Variants in GATAD1 observed in about 807,000 individuals in gnomAD.
GATAD1 encodes GATA zinc finger domain containing 1.
Under a neutral mutation model 26.5 loss-of-function variants are expected in GATAD1, and 12 were observed. The ratio of observed to expected loss-of-function variants is 0.45; its 90% CI spans 0.29 to 0.73. The LOEUF is 0.73. Ranked by LOEUF, GATAD1 falls within the 30% of genes least tolerant of loss-of-function variation. The pLI is 0.10. For synonymous variants in GATAD1, 129 were observed against 133.1 expected (o/e 0.97, Z 0.21); for missense variants, 266 against 342.1 (o/e 0.78, Z 1.75).
chr7:92,450,612 C>A, intron 2 of GATAD1, 89 bp from the exon 3 acceptor site: 1 of 770,942 alleles, frequency 1.3e-6, no homozygotes, highest in South Asian at 1.6e-5. Context: ...TTTAGTACTT[C>A]TCAAATTGCA....
rs1789803324 is a variant in GATAD1 at position 92,458,881 on chromosome 7, C to T, written c.*2319C>T. 1 of 152,152 alleles carries T rather than the reference C, an allele frequency of 6.6e-6. No homozygotes were observed. Among genetic ancestry groups the T allele is most frequent in the African/African-American group, 2.4e-5 (1 of 41,442 alleles). 9.4% of individuals were successfully genotyped at this position (152,152 alleles called of 1,614,324 possible). A position where few individuals can be genotyped will look rare whatever the true frequency, so the allele number is the denominator to read the frequency against. On this transcript the variant is annotated 3_prime_UTR_variant, in exon 5 of 5. Coordinates refer to ENST00000287957, the MANE Select transcript of GATAD1 (RefSeq NM_021167.5). ...TTTCATTTAAACAATTTAAATGGGG[C>T]TCTTTAACCAAAAATGGTATTTAAA...
At chr7:92,494,511 A>G in the GATAD1 span, 1 of 1,613,864 alleles carries the variant, frequency 6.2e-7, no homozygotes, top group Non-Finnish European at 8.5e-7. Flanking sequence ...ACTCCATCCA[A>G]CTGAGTCAGC....
At chr7:92,475,966 A>C in the GATAD1 span, among the ~76,000 whole-genome samples, 1 of 152,200 alleles carries the variant, frequency 6.6e-6, no homozygotes, top group Non-Finnish European at 1.5e-5. Flanking sequence ...ACCAGTTATT[A>C]GGCAATTTTT....
chr7:92,489,867 C>G, the GATAD1 span: 44 of 1,613,926 alleles, frequency 2.7e-5, no homozygotes, highest in Middle Eastern at 9.9e-4. Flanking sequence ...GAACTCCAGG[C>G]AAATCCTGAG....
At position 92,448,814 on chromosome 7, in the gene GATAD1, G is replaced by C. The variant is rs752121278; in HGVS notation, c.312G>C (p.Pro104=). The C allele has an allele frequency of 6.2e-7, 1 of 1,610,034 alleles. No individual in the cohort carries two copies. The highest frequency in any genetic ancestry group is 1.1e-5 in the South Asian group (1 of 90,998). The part of the protein sequence containing the change: ...RLRNTKYKSA[P]AAEKKVSTKG... ...GAAACACTAAATACAAATCTGCTCC[G>C]GCTGCTGAAAAGAAAGTCTCCACCA... is the stretch of plus-strand genomic sequence containing the variant. Residue 104 remains proline (P), a synonymous_variant, in exon 2 of 5, where the codon CCG becomes CCC. Coordinates refer to ENST00000287957, the MANE Select transcript of GATAD1 (RefSeq NM_021167.5).
Position 92,458,134 on chromosome 7 carries a change from CAAAAAAG to C in GATAD1, c.*1579_*1585del, listed in dbSNP as rs941817042. The C allele has an allele frequency of 6.6e-6, 1 of 150,832 alleles. No homozygotes were observed. The highest frequency in any genetic ancestry group is 2.4e-5 in the African/African-American group (1 of 40,908). The allele number at this position is 150,832 out of a possible 1,614,324, so 9.3% of individuals were successfully genotyped here. ...CCTGGGTGATAGAGCAAGACTGTCT[CAAAAAAG>C]AAAAAAAAGAAAAAATTTTAATTTA... is the stretch of plus-strand genomic sequence containing the variant. On this transcript the variant is annotated 3_prime_UTR_variant, in exon 5 of 5. Coordinates refer to ENST00000287957, the MANE Select transcript of GATAD1 (RefSeq NM_021167.5).
At chr7:92,486,095 G>A in the GATAD1 span, among the ~76,000 whole-genome samples, 112 of 152,300 alleles carry the variant, frequency 7.4e-4, 2 homozygotes, top group African/African-American at 2.6e-3. Flanking sequence ...GCAGGGATGT[G>A]GCCTCCACAA....
chr7:92,469,435 T>C, the GATAD1 span: 2 of 771,342 alleles, frequency 2.6e-6, no homozygotes, highest in Non-Finnish European at 4.8e-6. Flanking sequence ...GGGTACTCTT[T>C]TGTTGCGGGG....
chr7:92,463,007 G>A (rs1037679159), downstream of GATAD1: 3 of 152,240 alleles, frequency 2.0e-5, no homozygotes, highest in African/African-American at 4.8e-5. Context: ...ATCAGCAGAC[G>A]AATGGATGAT....
chr7:92,449,558 C>G (rs549214101), intron 2 of GATAD1: 25 of 974,434 alleles, frequency 2.6e-5, no homozygotes, highest in Non-Finnish European at 2.9e-5. Flanking sequence ...ATATTCTTTT[C>G]TTTCAGAACA....
intron 3 of GATAD1, among the ~76,000 whole-genome samples, chr7:92,452,304 G>A (rs1286505194): frequency 4.6e-5 from 7 of 152,220 alleles, no homozygotes; most frequent in African/African-American, 1.7e-4. Flanking sequence ...GGACAATAAT[G>A]CAACAAAGTA....
Position 92,448,769 on chromosome 7 carries a change from C to T in GATAD1, c.267C>T (p.His89=), listed in dbSNP as rs765352869. 8.7e-6 allele frequency: 14 copies of T among 1,611,932 alleles called. No homozygotes were observed. In the East Asian group the frequency reaches 3.1e-4, roughly 36 times the overall value. ...TGTAACAGAGTAAGCAGGAAATTCA[C>T]AGGAGGTCTGCTCGGCTCAGAAACA... The part of the protein sequence containing the change: ...GGGKQSKQEI[H]RRSARLRNTK... Residue 89 remains histidine, a synonymous_variant, in exon 2 of 5, where the codon CAC becomes CAT. Transcript: ENST00000287957.
chr7:92,475,458 G>A, the GATAD1 span, among the ~76,000 whole-genome samples: 1 of 152,280 alleles, frequency 6.6e-6, no homozygotes, highest in South Asian at 2.1e-4. Flanking sequence ...GCTCACTGAT[G>A]TTGCAGTCCT....
chr7:92,451,159 G>A (rs2115858003), intron 3 of GATAD1, among the ~76,000 whole-genome samples: 1 of 152,330 alleles, frequency 6.6e-6, no homozygotes, highest in East Asian at 1.9e-4. Flanking sequence ...AATGGGTAGA[G>A]TAGGCCCAGA....
At chr7:92,464,960 T>G (rs920335090), downstream of GATAD1, 4 of 152,250 alleles carry the variant, frequency 2.6e-5, no homozygotes, top group Non-Finnish European at 5.9e-5. Flanking sequence ...TGAATAAAGC[T>G]TGTTTCTTCA....
chr7:92,483,750 A>G, the GATAD1 span, among the ~76,000 whole-genome samples: 1 of 152,166 alleles, frequency 6.6e-6, no homozygotes, highest in Non-Finnish European at 1.5e-5. Context: ...CAGATGGGGG[A>G]GGGCTAGTCA....
At chr7:92,454,388 T>G in intron 3 of GATAD1, 114 bp from the exon 4 acceptor site, 2 of 777,588 alleles carry the variant, frequency 2.6e-6, no homozygotes, top group Admixed American at 4.3e-5. Context: ...CATTAGACTA[T>G]CTCGAACACC....
the GATAD1 span, among the ~76,000 whole-genome samples, chr7:92,484,465 G>A: frequency 1.3e-5 from 2 of 152,160 alleles, no homozygotes; most frequent in African/African-American, 4.8e-5. Context: ...ATGGAGTGTG[G>A]GTGAATAATC....
At position 92,456,950 on chromosome 7, in the gene GATAD1, G is replaced by C. The variant is rs1442619905; in HGVS notation, c.*388G>C. 6.3e-6 allele frequency: 1 copy of C among 158,698 alleles called. No homozygotes were observed. Among genetic ancestry groups the C allele is most frequent in the Non-Finnish European group, 1.4e-5 (1 of 72,696 alleles). 9.8% of individuals were successfully genotyped at this position (158,698 alleles called of 1,614,324 possible). A position where few individuals can be genotyped will look rare whatever the true frequency, so the allele number is the denominator to read the frequency against. On this transcript the variant is annotated 3_prime_UTR_variant, in exon 5 of 5. Coordinates refer to ENST00000287957, the MANE Select transcript of GATAD1 (RefSeq NM_021167.5). ...TCGGGAAGTGGATCGCCTGAGGTCA[G>C]GAGTTCGAGACCAGCCTGGCCAACA...
Sources: gnomAD v4.1 joint callset for allele counts (sites outside exome capture counted in the v4.1 genomes callset) on GRCh38, gnomAD v4.1.1 for gene constraint, MANE v1.5 for transcripts, NCBI Gene and HGNC (gene_info 2026-07-23, HGNC 2026-07-21) for gene names.